EXOSC5: variants seen among roughly 807,000 people sequenced by gnomAD.
The protein encoded by EXOSC5 is exosome complex component RRP46.
Under a neutral mutation model 23.7 loss-of-function variants are expected in EXOSC5, and 15 were observed. The observed-to-expected ratio is 0.63, with a 90% CI of 0.42 to 0.97. EXOSC5 has a LOEUF of 0.97. Ranked by LOEUF, EXOSC5 falls within the 50% of genes least tolerant of loss-of-function variation. The pLI is 0.00. For synonymous variants in EXOSC5, 143 were observed against 140.9 expected, an observed-to-expected ratio of 1.02 and a Z score of -0.11; for missense variants, 305 against 316.3, an observed-to-expected ratio of 0.96 and a Z score of 0.27.
chr19:41,392,164 C>T, intron 2 of EXOSC5: 1 of 665,278 alleles, frequency 1.5e-6, no homozygotes, highest in East Asian at 3.4e-5. Flanking sequence ...CAGCATCCAC[C>T]AAGGGAACCA....
intron 3 of EXOSC5, 103 bp from the exon 4 acceptor site, chr19:41,390,008 C>A (rs934711781): frequency 1.7e-5 from 23 of 1,350,980 alleles, no homozygotes; most frequent in African/African-American, 6.1e-5. Context: ...TCTCGGCTCA[C>A]TGCAACCTCC....
At chr19:41,397,009 G>A (rs541284408) in intron 1 of EXOSC5, among the ~76,000 whole-genome samples, 172 bp downstream of exon 1, 12 of 152,236 alleles carry the variant, frequency 7.9e-5, no homozygotes, top group African/African-American at 2.9e-4. Context: ...CTTTCTAGTC[G>A]TGAGGGAGAG....
chr19:41,393,023 T>TC, intron 1 of EXOSC5, 43 bp from the exon 2 acceptor site: 1 of 1,584,846 alleles, frequency 6.3e-7, no homozygotes, highest in East Asian at 2.2e-5. Context: ...GCTTCCCTGC[T>TC]CCTGGGGCCC....
At chr19:41,396,259 G>T (rs2039062553) in intron 1 of EXOSC5, among the ~76,000 whole-genome samples, 1 of 151,914 alleles carries the variant, frequency 6.6e-6, no homozygotes, top group Admixed American at 6.6e-5. Flanking sequence ...GCTCACGCTG[G>T]AGTACAATGG....
chr19:41,387,451 G>A, intron 5 of EXOSC5, 63 bp downstream of exon 5: 1 of 1,362,950 alleles, frequency 7.3e-7, no homozygotes, highest in South Asian at 1.4e-5. Context: ...GCAGAGTTGG[G>A]ACAAGACCGT....
At position 41,389,758 on chromosome 19, in the gene EXOSC5, C is replaced by A; in HGVS notation, c.525+7G>T. On this transcript the variant is annotated splice_region_variant and intron_variant, in intron 4 of 5. Coordinates refer to ENST00000221233, the MANE Select transcript of EXOSC5 (RefSeq NM_020158.4). Reference sequence around the variant, plus strand: ...TGCCCTTCAGCCACCCTGGTCTTCACACCTACCTTTTCTTGCTTGGATGTA... The same window carrying A: ...TGCCCTTCAGCCACCCTGGTCTTCAAACCTACCTTTTCTTGCTTGGATGTA... 1 of 1,611,902 alleles carries A rather than the reference C, an allele frequency of 6.2e-7. No individual in the cohort carries two copies. Among genetic ancestry groups the A allele is most frequent in the Non-Finnish European group, 8.5e-7 (1 of 1,179,090 alleles).
intron 1 of EXOSC5, among the ~76,000 whole-genome samples, chr19:41,393,374 C>T (rs1599941821): frequency 6.6e-6 from 1 of 151,966 alleles, no homozygotes; most frequent in South Asian, 2.1e-4. Flanking sequence ...AAGTGATCCT[C>T]CCGCCTCAGC....
Position 41,387,536 on chromosome 19 carries a change from T to G in EXOSC5, c.593A>C (p.Lys198Thr). Reference protein sequence around the residue: ...VERKLLMSSTKGLYSDTELQQ... With the variant: ...VERKLLMSSTTGLYSDTELQQ... ...TACCTCAGTGTCTGAGTAGAGCCCCTTGGTGCTGGACATCAGCAGCTTCCG... is the reference window on the plus strand; with the variant it reads ...TACCTCAGTGTCTGAGTAGAGCCCCGTGGTGCTGGACATCAGCAGCTTCCG... The change falls in exon 5 of 6, where the codon AAG (lysine) becomes ACG (threonine). Residue 198 changes from lysine to threonine, a missense_variant. By Grantham distance (78) the Lys-to-Thr change is moderately conservative (BLOSUM62 -1). Transcript: ENST00000221233. The G allele has an allele frequency of 6.2e-7, 1 of 1,604,646 alleles. No homozygotes were observed. The highest frequency in any genetic ancestry group is 8.5e-7 in the Non-Finnish European group (1 of 1,176,244).
intron 1 of EXOSC5, among the ~76,000 whole-genome samples, chr19:41,394,989 A>C (rs940981492): frequency 6.7e-6 from 1 of 149,736 alleles, no homozygotes; most frequent in African/African-American, 2.5e-5. Context: ...AGCCACGATC[A>C]CTTCACTGCA....
chr19:41,396,711 A>T (rs1330399905), intron 1 of EXOSC5, among the ~76,000 whole-genome samples: 1 of 149,390 alleles, frequency 6.7e-6, no homozygotes, highest in Non-Finnish European at 1.5e-5. Flanking sequence ...TGTATTTCTC[A>T]ACCCAGCGCA....
At chr19:41,392,807 G>A in intron 2 of EXOSC5, 60 bp downstream of exon 2, 1 of 1,510,376 alleles carries the variant, frequency 6.6e-7, no homozygotes, top group East Asian at 2.3e-5. Context: ...GTAGGGAGGA[G>A]CTGGGGGGGT....
rs2039055239 is a variant in EXOSC5, at chr19:41,395,471, A to G, written c.148+1710T>C. Among the ~76,000 whole-genome samples, 3 of 152,166 alleles carry G rather than the reference A, an allele frequency of 2.0e-5. No homozygotes were observed. In the South Asian group the frequency reaches 6.2e-4, roughly 31 times the overall value. The stretch of plus-strand genomic sequence containing the variant: ...TGCCCCACTTATCTGATCCTCTTAC[A>G]GCAGAACTCCTGAACAGCTGCCTCT... On this transcript the variant is annotated intron_variant, in intron 1 of 5. Transcript: ENST00000221233.
Position 41,389,774 on chromosome 19 carries a change from C to T in EXOSC5, c.516G>A (p.Lys172=). ...DGTLVLDPTS[K]QEKEARAVLT... is the part of the protein sequence containing the mutation. The stretch of plus-strand genomic sequence containing the variant: ...TGGTCTTCACACCTACCTTTTCTTG[C>T]TTGGATGTAGGATCCAGCACGAGGG... Residue 172 remains lysine (K), a synonymous_variant, in exon 4 of 6, where the codon AAG becomes AAA. Coordinates refer to ENST00000221233, the MANE Select transcript of EXOSC5 (RefSeq NM_020158.4). 1 of 1,613,152 alleles carries T rather than the reference C, an allele frequency of 6.2e-7. No homozygotes were observed. The highest frequency in any genetic ancestry group is 1.1e-5 in the South Asian group (1 of 90,924).
chr19:41,391,679 G>T, intron 3 of EXOSC5, 162 bp downstream of exon 3: 1 of 880,090 alleles, frequency 1.1e-6, no homozygotes, highest in Non-Finnish European at 1.6e-6. Context: ...AACAGTGCCT[G>T]GCACATAAGT....
At chr19:41,394,514 T>C (rs2039047240) in intron 1 of EXOSC5, among the ~76,000 whole-genome samples, 1 of 152,008 alleles carries the variant, frequency 6.6e-6, no homozygotes, top group South Asian at 2.1e-4. Flanking sequence ...GGAAGACTCC[T>C]GTCTCTATTT....
intron 1 of EXOSC5, among the ~76,000 whole-genome samples, chr19:41,396,527 A>C (rs1444383953): frequency 2.6e-5 from 4 of 152,044 alleles, no homozygotes; most frequent in Non-Finnish European, 5.9e-5. Flanking sequence ...TCAAACGTTA[A>C]AGAGAAATAT....
intron 4 of EXOSC5, among the ~76,000 whole-genome samples, chr19:41,389,547 G>C (rs750371936): frequency 2.0e-5 from 3 of 152,244 alleles, no homozygotes; most frequent in Non-Finnish European, 2.9e-5. Flanking sequence ...TTACAGGCGT[G>C]AGCCACCGCT....
At position 41,392,874 on chromosome 19, in the gene EXOSC5, C is replaced by T. The variant is rs1191751599; in HGVS notation, c.255G>A (p.Gly85=). Residue 85 remains glycine, a synonymous_variant, in exon 2 of 6, where the codon GGG becomes GGA. Transcript: ENST00000221233. ...TCAGCAGGGCCCAATTACCAGGCAG[C>T]CCAATCTTCGGCCTCAGGATCACTT... ...TLEVILRPKI[G]LPGVAEKSRE... 2 of 1,613,712 alleles carry T rather than the reference C, an allele frequency of 1.2e-6. No individual in the cohort carries two copies. Among genetic ancestry groups the T allele is most frequent in the African/African-American group, 2.7e-5 (2 of 74,896 alleles).
At chr19:41,391,590 AGT>A (rs2039022740) in intron 3 of EXOSC5, 1 of 429,926 alleles carries the variant, frequency 2.3e-6, no homozygotes, top group African/African-American at 2.1e-5. Flanking sequence ...TCTGGGTCTA[AGT>A]CTTGGCTCTG....
Sources: allele counts gnomAD v4.1 joint callset (sites outside exome capture counted in the v4.1 genomes callset), GRCh38; gene constraint gnomAD v4.1.1; transcripts MANE v1.5; gene names NCBI Gene and HGNC (gene_info 2026-07-23, HGNC 2026-07-21).